Variants in SAMD5 observed in about 807,000 individuals in gnomAD.
The protein encoded by SAMD5 is sterile alpha motif domain-containing protein 5.
A neutral mutation model predicts 11.3 loss-of-function variants in SAMD5; 13 were observed. The observed-to-expected ratio is 1.15, with a 90% CI of 0.75 to 1.83. SAMD5 has a LOEUF of 1.83. Ranked by LOEUF, SAMD5 falls within the 40% of genes most tolerant of loss-of-function variation. SAMD5 has a pLI of 0.00. For missense variants in SAMD5, 255 were observed against 239.1 expected, an observed-to-expected ratio of 1.07 and a Z score of -0.44; for synonymous variants, 129 against 111.3, an observed-to-expected ratio of 1.16 and a Z score of -1.00.
chr6:147,951,321 A>T, the SAMD5 span, among the ~76,000 whole-genome samples: 9 of 151,892 alleles, frequency 5.9e-5, no homozygotes, highest in Admixed American at 5.9e-4. Flanking sequence ...AGCTGGGACT[A>T]CAGGAGCCCA....
intron 1 of SAMD5, among the ~76,000 whole-genome samples, chr6:147,636,167 A>G (rs1242816971): frequency 6.6e-6 from 1 of 152,170 alleles, no homozygotes; most frequent in African/African-American, 2.4e-5. Flanking sequence ...AAGACACGAT[A>G]AAATCTGGTA....
At chr6:147,612,376 G>T (rs111354791) in intron 1 of SAMD5, among the ~76,000 whole-genome samples, 1 of 151,884 alleles carries the variant, frequency 6.6e-6, no homozygotes, top group Admixed American at 6.6e-5. Flanking sequence ...TAAGACTTTC[G>T]CACTCCTATT....
At chr6:147,627,747 C>T (rs1372012673) in intron 1 of SAMD5, among the ~76,000 whole-genome samples, 2 of 152,176 alleles carry the variant, frequency 1.3e-5, no homozygotes, top group African/African-American at 4.8e-5. Flanking sequence ...GAAAATTTCT[C>T]TGTATCTGGA....
At chr6:147,873,420 G>A in the SAMD5 span, among the ~76,000 whole-genome samples, 2 of 151,798 alleles carry the variant, frequency 1.3e-5, no homozygotes, top group Admixed American at 1.3e-4. Context: ...TATTTGTCTG[G>A]TATCTATTCT....
Position 147,566,507 on chromosome 6 carries a change from A to C in SAMD5, c.*2051A>C. 1 of 985,834 alleles carries C rather than the reference A, an allele frequency of 1.0e-6. No individual in the cohort carries two copies. The highest frequency in any genetic ancestry group is 1.2e-6 in the Non-Finnish European group (1 of 829,874). 61.1% of individuals were successfully genotyped at this position (985,834 alleles called of 1,614,324 possible). ...TTGCTAGGAAGGACTCAATTTTTGA[A>C]AAATCTGTTATTTTCACTGTGGGCC... On this transcript the variant is annotated 3_prime_UTR_variant, in exon 2 of 2. Transcript: ENST00000367474.
chr6:147,728,809 G>A (rs112595602), intron 1 of SAMD5, among the ~76,000 whole-genome samples: 5,170 of 152,230 alleles, frequency 0.034, 118 homozygotes, highest in African/African-American at 0.057. Flanking sequence ...CAAAAGTTCT[G>A]TTTTTCTGCA....
At chr6:147,886,963 C>T in the SAMD5 span, among the ~76,000 whole-genome samples, 1 of 152,172 alleles carries the variant, frequency 6.6e-6, no homozygotes, top group African/African-American at 2.4e-5. Flanking sequence ...GAGAATACAG[C>T]CTAGCTGACA....
the SAMD5 span, among the ~76,000 whole-genome samples, chr6:147,798,295 A>G: frequency 2.7e-5 from 4 of 150,694 alleles, no homozygotes; most frequent in Non-Finnish European, 4.4e-5. Flanking sequence ...TTCAAAGAAC[A>G]TCTTTATTTC....
chr6:147,561,964 GA>G lies in SAMD5; in HGVS notation c.460-2427del, dbSNP rs551395361. On this transcript the variant is annotated intron_variant, in intron 1 of 1. Coordinates refer to ENST00000367474, the MANE Select transcript of SAMD5 (RefSeq NM_001030060.3). ...TTGAAACTCTCCATGACCCATTGCG[GA>G]AATCCTGTTCATCTGCCCCCCACCT... 2.2e-3 allele frequency among the ~76,000 whole-genome samples: 330 copies of G among 152,266 alleles called. 6 individuals are homozygous for G. The highest frequency in any genetic ancestry group is 3.5e-4 in the Non-Finnish European group (24 of 68,018).
the SAMD5 span, among the ~76,000 whole-genome samples, chr6:147,851,239 C>G: frequency 6.6e-6 from 1 of 152,152 alleles, no homozygotes; most frequent in Non-Finnish European, 1.5e-5. Flanking sequence ...CCACTGCGCC[C>G]AGCCAATTGT....
chr6:147,625,652 C>T (rs539741156), intron 1 of SAMD5, among the ~76,000 whole-genome samples: 1 of 152,326 alleles, frequency 6.6e-6, no homozygotes, highest in East Asian at 1.9e-4. Context: ...TACAGCCCCA[C>T]TCATAGCCTA....
At chr6:147,876,122 C>T in the SAMD5 span, among the ~76,000 whole-genome samples, 1 of 152,142 alleles carries the variant, frequency 6.6e-6, no homozygotes, top group Non-Finnish European at 1.5e-5. Context: ...TCAGAAGATC[C>T]CTATGCCTGG....
intron 1 of SAMD5, among the ~76,000 whole-genome samples, chr6:147,619,430 A>G (rs1203480020): frequency 6.6e-6 from 1 of 152,102 alleles, no homozygotes; most frequent in Non-Finnish European, 1.5e-5. Flanking sequence ...CATGGCAGAT[A>G]TGCAGATACT....
At position 147,569,169 on chromosome 6, in the gene SAMD5, T is replaced by G; in HGVS notation, c.*4713T>G. On this transcript the variant is annotated 3_prime_UTR_variant, in exon 2 of 2. Transcript: ENST00000367474. Reference sequence around the variant, plus strand: ...CCAGGAGGTGGAGGTCGCAGTGAGCTGAGATCGCGCCAGTGCGCTCCAGCC... The same window carrying G: ...CCAGGAGGTGGAGGTCGCAGTGAGCGGAGATCGCGCCAGTGCGCTCCAGCC... 5.1e-6 allele frequency: 1 copy of G among 194,708 alleles called. No individual in the cohort carries two copies. Among genetic ancestry groups the G allele is most frequent in the Non-Finnish European group, 9.1e-6 (1 of 109,966 alleles). The allele number at this position is 194,708 out of a possible 1,614,324, so 12.1% of individuals were successfully genotyped here.
chr6:147,556,727 A>C (rs1188558583), intron 1 of SAMD5, among the ~76,000 whole-genome samples: 1 of 152,248 alleles, frequency 6.6e-6, no homozygotes, highest in Non-Finnish European at 1.5e-5. Context: ...TAGAGCTCAA[A>C]TATGCTTACA....
intron 1 of SAMD5, among the ~76,000 whole-genome samples, chr6:147,724,441 C>A (rs1484642023): frequency 6.6e-6 from 1 of 152,168 alleles, no homozygotes; most frequent in African/African-American, 2.4e-5. Context: ...CATATTGGGT[C>A]ATTTTTAAGG....
At chr6:147,549,980 C>T (rs542777135) in intron 1 of SAMD5, among the ~76,000 whole-genome samples, 4 of 151,220 alleles carry the variant, frequency 2.6e-5, no homozygotes, top group South Asian at 2.1e-4. Flanking sequence ...CGAGATGGCT[C>T]ATGCCTGTAA....
the SAMD5 span, among the ~76,000 whole-genome samples, chr6:147,936,176 T>A: frequency 6.6e-6 from 1 of 152,176 alleles, no homozygotes; most frequent in Non-Finnish European, 1.5e-5. Flanking sequence ...GCCCTTAGGA[T>A]GTTGTACTCT....
chr6:147,578,117 G>A (rs181545781), intron 1 of SAMD5, among the ~76,000 whole-genome samples: 6 of 152,290 alleles, frequency 3.9e-5, no homozygotes, highest in African/African-American at 1.4e-4. Flanking sequence ...AGAGAATCAA[G>A]AAGGATAAGA....
Sources: gnomAD v4.1 joint callset for allele counts (sites outside exome capture counted in the v4.1 genomes callset) on GRCh38, gnomAD v4.1.1 for gene constraint, MANE v1.5 for transcripts, NCBI Gene and HGNC (gene_info 2026-07-23, HGNC 2026-07-21) for gene names.